Variants in MMP14 observed in about 807,000 individuals in gnomAD.
MMP14 encodes the protein matrix metallopeptidase 14, also known as matrix metalloproteinase-14.
MMP14 carries 13 observed loss-of-function variants against 64.8 expected under a neutral mutation model. That is an observed-to-expected ratio of 0.20 (90% CI 0.13 to 0.32). The LOEUF (loss-of-function observed/expected upper bound fraction) is 0.32, where lower values mean the gene tolerates loss of function less well. Ranked by LOEUF, MMP14 falls within the 10% of genes least tolerant of loss-of-function variation. The pLI is 1.00. For synonymous variants in MMP14, 322 were observed against 315.9 expected, an observed-to-expected ratio of 1.02 and a Z score of -0.20; for missense variants, 594 against 783.8, an observed-to-expected ratio of 0.76 and a Z score of 2.89.
intron 1 of MMP14, 65 bp from the exon 2 acceptor site, chr14:22,841,426 C>T (rs1377648965): frequency 1.6e-5 from 26 of 1,584,326 alleles, no homozygotes; most frequent in Middle Eastern, 2.1e-4. Flanking sequence ...TGGGCATTGT[C>T]GGGGAGGTAG....
rs1300577709 is a variant in MMP14, at chr14:22,842,987, G to T, written c.688+270G>T. 6.6e-6 allele frequency among the ~76,000 whole-genome samples: 1 copy of T among 152,202 alleles called. No individual in the cohort carries two copies. The highest frequency in any genetic ancestry group is 2.4e-5 in the African/African-American group (1 of 41,442). ...CATGTCTCGCTCCCGGGAGAAACTGGGGACTAGAGAGAGCCTTGGCTTCCC... is the reference window on the plus strand; with the variant it reads ...CATGTCTCGCTCCCGGGAGAAACTGTGGACTAGAGAGAGCCTTGGCTTCCC... On this transcript the variant is annotated intron_variant, in intron 4 of 9. Transcript: ENST00000311852. The surrounding 1 kb of genome is among the most constrained non-coding windows in gnomAD (Gnocchi z 5.3).
intron 8 of MMP14, among the ~76,000 whole-genome samples, 168 bp downstream of exon 8, chr14:22,844,948 T>C (rs1049720083): frequency 2.4e-4 from 36 of 152,052 alleles, no homozygotes; most frequent in African/African-American, 8.7e-4. Flanking sequence ...TTGGGCACCG[T>C]GTGAGTGGGA....
chr14:22,842,328 C>A lies in MMP14; in HGVS notation c.381-82C>A. The A allele has an allele frequency of 6.7e-7, 1 of 1,493,802 alleles. No individual in the cohort carries two copies. Among genetic ancestry groups the A allele is most frequent in the Non-Finnish European group, 9.1e-7 (1 of 1,095,788 alleles). 92.5% of individuals were successfully genotyped at this position (1,493,802 alleles called of 1,614,324 possible). A position where few individuals can be genotyped will look rare whatever the true frequency, so the allele number is the denominator to read the frequency against. On this transcript the variant is annotated intron_variant, in intron 3 of 9. Coordinates refer to ENST00000311852, the MANE Select transcript of MMP14 (RefSeq NM_004995.4). This position sits in a 1 kb window ranked among gnomAD's most constrained non-coding sequence, Gnocchi z 5.3. The stretch of plus-strand genomic sequence containing the variant: ...GAGGTGGCTGGGCCGCGCAGTCAGA[C>A]CTGGGAGAGTGCAGGGAAGGAGAAT...
chr14:22,845,670 C>A, intron 9 of MMP14, 38 bp from the exon 10 acceptor site: 9 of 1,601,870 alleles, frequency 5.6e-6, no homozygotes, highest in Admixed American at 1.7e-5. Flanking sequence ...CTCTTTGGGT[C>A]TTCCCTTCCT....
At chr14:22,844,230 A>T in intron 6 of MMP14, 141 bp from the exon 7 acceptor site, 1 of 1,231,996 alleles carries the variant, frequency 8.1e-7, no homozygotes, top group Non-Finnish European at 1.1e-6. Flanking sequence ...ACTCTGTGGT[A>T]GGGCGGCTGG....
chr14:22,846,129 C>G lies in MMP14; in HGVS notation c.*90C>G. ...GTGGTGGTGGGTGGGCTGTTCCCAT[C>G]GTCCCGAGCCCCCTCCCCGCAGCCT... On this transcript the variant is annotated 3_prime_UTR_variant, in exon 10 of 10. Transcript: ENST00000311852. 8.0e-7 allele frequency: 1 copy of G among 1,247,352 alleles called. No homozygotes were observed. Among genetic ancestry groups the G allele is most frequent in the Admixed American group, 2.9e-5 (1 of 34,306 alleles). 77.3% of individuals were successfully genotyped at this position (1,247,352 alleles called of 1,614,324 possible).
In MMP14 at chr14:22,844,706, G is replaced by C. The variant is rs1224259347; in HGVS notation, c.1227G>C (p.Gly409=). The C allele has an allele frequency of 6.2e-7, 1 of 1,614,104 alleles. No individual in the cohort carries two copies. Among genetic ancestry groups the C allele is most frequent in the East Asian group, 2.2e-5 (1 of 44,882 alleles). ...AGCACATTAAGGAGCTGGGCCGAGG[G>C]CTGCCTACCGACAAGATTGATGCTG... is the stretch of plus-strand genomic sequence containing the variant. ...YPKHIKELGR[G]LPTDKIDAAL... is the part of the protein sequence containing the mutation. Residue 409 remains glycine (G), a synonymous_variant, in exon 8 of 10, where the codon GGG becomes GGC. Transcript: ENST00000311852.
chr14:22,845,715 T>G lies in MMP14; in HGVS notation c.1425T>G (p.Thr475=). The G allele has an allele frequency of 6.2e-7, 1 of 1,613,984 alleles. No homozygotes were observed. Among genetic ancestry groups the G allele is most frequent in the South Asian group, 1.1e-5 (1 of 91,064 alleles). ...CTGATTCACTCCCTGCAGTCTTCAC[T>G]TACTTCTACAAGGGGAACAAATACT... is the stretch of plus-strand genomic sequence containing the variant. The part of the protein sequence containing the change: ...GSFMGSDEVF[T]YFYKGNKYWK... The change falls in exon 10 of 10, where the codon ACT becomes ACG. Residue 475 remains threonine, a synonymous_variant. Transcript: ENST00000311852.
rs2039809802 is a variant in MMP14 at position 22,845,911 on chromosome 14, G to GCCGTGGTGCTGC, written c.1627_1638dup (p.Val543_Val546dup). Reference sequence around the variant, plus strand: ...GGGCGGCGGGGCGGTGAGCGCGGCTGCCGTGGTGCTGCCCGTGCTGCTGCT... The same window carrying GCCGTGGTGCTGC: ...GGGCGGCGGGGCGGTGAGCGCGGCTGCCGTGGTGCTGCCCGTGGTGCTGCCCGTGCTGCTGCT... On this transcript the variant is annotated inframe_insertion, in exon 10 of 10. Coordinates refer to ENST00000311852, the MANE Select transcript of MMP14 (RefSeq NM_004995.4). 6.2e-7 allele frequency: 1 copy of GCCGTGGTGCTGC among 1,609,804 alleles called. No individual in the cohort carries two copies. The highest frequency in any genetic ancestry group is 8.5e-7 in the Non-Finnish European group (1 of 1,178,024).
In MMP14 at chr14:22,846,682, C is replaced by G. The variant is rs2039816307; in HGVS notation, c.*643C>G. The G allele has an allele frequency of 6.6e-6, 1 of 151,670 alleles. No individual in the cohort carries two copies. Among genetic ancestry groups the G allele is most frequent in the African/African-American group, 2.4e-5 (1 of 41,410 alleles). The allele number at this position is 151,670 out of a possible 1,614,324, so 9.4% of individuals were successfully genotyped here. On this transcript the variant is annotated 3_prime_UTR_variant, in exon 10 of 10. Transcript: ENST00000311852. ...CGGAGATCTGCCTCTGCCTCACCTA[C>G]CCCAGGGAACTTCCAAGGAAGGAGC...
chr14:22,840,969 CTT>C (rs913205493), intron 1 of MMP14, among the ~76,000 whole-genome samples: 1 of 152,214 alleles, frequency 6.6e-6, no homozygotes, highest in Non-Finnish European at 1.5e-5. Flanking sequence ...AGCTCTAGCT[CTT>C]TTTTCTGCCC....
chr14:22,837,581 C>G, intron 1 of MMP14: 1 of 353,856 alleles, frequency 2.8e-6, no homozygotes. Flanking sequence ...ACACAAAGCT[C>G]TCCTTGTGAG....
At chr14:22,836,948 C>G (rs535490392) in intron 1 of MMP14, 23 bp downstream of exon 1, 1 of 1,592,438 alleles carries the variant, frequency 6.3e-7, no homozygotes, top group Non-Finnish European at 8.6e-7. Flanking sequence ...CCCGGCCCTT[C>G]CCGGAGTCGC....
Position 22,846,286 on chromosome 14 carries a change from C to A in MMP14, c.*247C>A. ...GGAGGGCGGCCCTTTCCAGCCTCTG[C>A]CCCTCAGGGGAACCCTGTAGCTTTG... is the stretch of plus-strand genomic sequence containing the variant. On this transcript the variant is annotated 3_prime_UTR_variant, in exon 10 of 10. Coordinates refer to ENST00000311852, the MANE Select transcript of MMP14 (RefSeq NM_004995.4). 2.0e-6 allele frequency: 1 copy of A among 511,090 alleles called. No individual in the cohort carries two copies. Among genetic ancestry groups the A allele is most frequent in the South Asian group, 3.3e-5 (1 of 30,240 alleles). 31.7% of individuals were successfully genotyped at this position (511,090 alleles called of 1,614,324 possible).
At position 22,843,753 on chromosome 14, in the gene MMP14, G is replaced by A; in HGVS notation, c.894G>A (p.Arg298=). The A allele has an allele frequency of 1.9e-6, 3 of 1,611,766 alleles. No individual in the cohort carries two copies. Among genetic ancestry groups the A allele is most frequent in the Non-Finnish European group, 2.5e-6 (3 of 1,179,472 alleles). ...CCACCAAGATGCCCCCTCAACCCAG[G>A]ACTACCTCCCGGCCTTCTGTTCCTG... ...GFPTKMPPQP[R]TTSRPSVPDK... The change falls in exon 6 of 10, where the codon AGG becomes AGA. Residue 298 remains arginine, a synonymous_variant. Transcript: ENST00000311852. The surrounding 1 kb of genome is among the most constrained non-coding windows in gnomAD (Gnocchi z 4.8).
rs779979676 is a variant in MMP14 at position 22,836,881 on chromosome 14, C to T, written c.64C>T (p.Leu22Phe). Reference protein sequence around the residue: ...LLPLLTLGTALASLGSAQSSS... With the variant: ...LLPLLTLGTAFASLGSAQSSS... Reference sequence around the variant, plus strand: ...CCCCCTGCTCACGCTCGGCACCGCGCTCGCCTCCCTCGGCTCGGCCCAAAG... The same window carrying T: ...CCCCCTGCTCACGCTCGGCACCGCGTTCGCCTCCCTCGGCTCGGCCCAAAG... Residue 22 changes from leucine to phenylalanine, a missense_variant, in exon 1 of 10, where the codon CTC becomes TTC. Around this residue, in one of 4 missense-constraint regions of MMP14, gnomAD observed 45 missense variants for 48.8 expected, o/e 0.92. Transcript: ENST00000311852. 6.2e-7 allele frequency: 1 copy of T among 1,613,844 alleles called. No individual in the cohort carries two copies.
chr14:22,842,239 A>C lies in MMP14; in HGVS notation c.381-171A>C. 1 of 1,001,026 alleles carries C rather than the reference A, an allele frequency of 1.0e-6. No homozygotes were observed. Among genetic ancestry groups the C allele is most frequent in the Non-Finnish European group, 1.5e-6 (1 of 686,790 alleles). 62.0% of individuals were successfully genotyped at this position (1,001,026 alleles called of 1,614,324 possible). On this transcript the variant is annotated intron_variant, in intron 3 of 9. Coordinates refer to ENST00000311852, the MANE Select transcript of MMP14 (RefSeq NM_004995.4). The surrounding 1 kb of genome is among the most constrained non-coding windows in gnomAD (Gnocchi z 5.3). Reference sequence around the variant, plus strand: ...CCCAGTGCCAGAGAGCCAGAGCCTGAGGATCCCTTGTTCTTGAGACAGAGG... The same window carrying C: ...CCCAGTGCCAGAGAGCCAGAGCCTGCGGATCCCTTGTTCTTGAGACAGAGG...
intron 6 of MMP14, among the ~76,000 whole-genome samples, 187 bp from the exon 7 acceptor site, chr14:22,844,184 G>A (rs2039794698): frequency 7.0e-6 from 1 of 141,896 alleles, no homozygotes; most frequent in Non-Finnish European, 1.5e-5. Context: ...ACAACAGTGT[G>A]AGACTCCATC....
rs573497993 is a variant in MMP14 at position 22,845,869 on chromosome 14, A to G, written c.1579A>G (p.Ile527Val). The change falls in exon 10 of 10, where the codon ATT becomes GTT. Residue 527 changes from isoleucine (I) to valine (V), a missense_variant. By Grantham distance (29) the Ile-to-Val change is conservative. This residue lies in a region of MMP14 where 364 missense variants were observed against 425.2 expected (regional missense o/e 0.86). Coordinates refer to ENST00000311852, the MANE Select transcript of MMP14 (RefSeq NM_004995.4). ...GTEEETEVII[I>V]EVDEEGGGAV... The stretch of plus-strand genomic sequence containing the variant: ...TGAGGAGGAGACGGAGGTGATCATC[A>G]TTGAGGTGGACGAGGAGGGCGGCGG... 13 of 1,614,072 alleles carry G rather than the reference A, an allele frequency of 8.1e-6. No individual in the cohort carries two copies. Among genetic ancestry groups the G allele is most frequent in the African/African-American group, 8.0e-5 (6 of 75,046 alleles).
Sources: gnomAD v4.1 joint callset for allele counts (sites outside exome capture counted in the v4.1 genomes callset) on GRCh38, gnomAD v4.1.1 for gene constraint, gnomAD v4.1.1 regional missense constraint, Gnocchi (gnomAD v3.1) non-coding constraint, MANE v1.5 for transcripts, NCBI Gene and HGNC (gene_info 2026-07-23, HGNC 2026-07-21) for gene names.